FAM163B: variants seen among roughly 807,000 people sequenced by gnomAD.
FAM163B encodes protein FAM163B.
A neutral mutation model predicts 7.6 loss-of-function variants in FAM163B; 4 were observed. That is an observed-to-expected ratio of 0.52 (90% CI 0.26 to 1.20). FAM163B has a LOEUF of 1.20. Among genes scored for constraint, FAM163B ranks in the 50% most tolerant of loss-of-function variants. The pLI is 0.14. For missense variants in FAM163B, 250 were observed against 243.0 expected, an observed-to-expected ratio of 1.03 and a Z score of -0.19; for synonymous variants, 120 against 111.6, an observed-to-expected ratio of 1.07 and a Z score of -0.47.
chr9:133,581,601 C>T (rs1236184120), intron 1 of FAM163B, among the ~76,000 whole-genome samples: 1 of 152,160 alleles, frequency 6.6e-6, no homozygotes, highest in African/African-American at 2.4e-5. Context: ...GCTCCTTTTG[C>T]TCTAGAACAG....
chr9:133,588,819 A>T (rs571137446), intron 1 of FAM163B, among the ~76,000 whole-genome samples: 24 of 151,670 alleles, frequency 1.6e-4, no homozygotes, highest in African/African-American at 5.8e-4. Flanking sequence ...CAGGCCAGTC[A>T]CCCTGAATGG....
chr9:133,589,584 G>A (rs750257734), intron 1 of FAM163B, among the ~76,000 whole-genome samples: 7 of 151,770 alleles, frequency 4.6e-5, no homozygotes, highest in Non-Finnish European at 8.8e-5. Context: ...CAAGAACCTG[G>A]TTTCCCACTG....
At chr9:133,590,929 G>A (rs1254465738) in intron 1 of FAM163B, among the ~76,000 whole-genome samples, 2 of 152,252 alleles carry the variant, frequency 1.3e-5, no homozygotes, top group African/African-American at 4.8e-5. Context: ...TGTGAAGGAA[G>A]CTTCTGGGGA....
At chr9:133,603,791 C>A (rs1005131375) in intron 1 of FAM163B, among the ~76,000 whole-genome samples, 2 of 152,184 alleles carry the variant, frequency 1.3e-5, no homozygotes, top group Admixed American at 1.3e-4. Context: ...TACCTTGCAC[C>A]CATCTTCTAA....
intron 1 of FAM163B, among the ~76,000 whole-genome samples, chr9:133,598,039 T>C (rs750346034): frequency 1.3e-5 from 2 of 152,212 alleles, no homozygotes; most frequent in African/African-American, 2.4e-5. Flanking sequence ...ATTTTCTCAC[T>C]GGGTTTGGGT....
At chr9:133,583,841 C>T (rs1329389816) in intron 1 of FAM163B, among the ~76,000 whole-genome samples, 1 of 152,240 alleles carries the variant, frequency 6.6e-6, no homozygotes, top group East Asian at 1.9e-4. Flanking sequence ...TACACGCCTG[C>T]CGAGGAGCAG....
intron 1 of FAM163B, among the ~76,000 whole-genome samples, chr9:133,580,692 T>C (rs1831343477): frequency 6.6e-6 from 1 of 152,254 alleles, no homozygotes; most frequent in African/African-American, 2.4e-5. Context: ...TATTCTGCCA[T>C]ATCCTTAAAT....
Position 133,579,006 on chromosome 9 carries a change from C to CA in FAM163B, c.*15_*16insT, listed in dbSNP as rs1831299158. The CA allele has an allele frequency of 6.7e-7, 1 of 1,486,266 alleles. No individual in the cohort carries two copies. Among genetic ancestry groups the CA allele is most frequent in the African/African-American group, 1.4e-5 (1 of 71,024 alleles). 92.1% of individuals were successfully genotyped at this position (1,486,266 alleles called of 1,614,324 possible). A position where few individuals can be genotyped will look rare whatever the true frequency, so the allele number is the denominator to read the frequency against. Reference sequence around the variant, plus strand: ...CTCAGGACCTTCAAGGCCAGGATCCCGGGGGCGGGCCCAGGTCACACGTCG... The same window carrying CA: ...CTCAGGACCTTCAAGGCCAGGATCCCAGGGGGCGGGCCCAGGTCACACGTCG... On this transcript the variant is annotated 3_prime_UTR_variant, in exon 3 of 3. Coordinates refer to ENST00000673969, the MANE Select transcript of FAM163B (RefSeq NM_001080515.3).
chr9:133,594,079 G>A (rs1831595305), intron 1 of FAM163B, among the ~76,000 whole-genome samples: 3 of 152,202 alleles, frequency 2.0e-5, no homozygotes, highest in African/African-American at 7.2e-5. Flanking sequence ...ATGTTTTAAC[G>A]AGACAAGATC....
rs896559794 is a variant in FAM163B, at chr9:133,577,356, G to A, written c.*1666C>T. On this transcript the variant is annotated 3_prime_UTR_variant, in exon 3 of 3. Coordinates refer to ENST00000673969, the MANE Select transcript of FAM163B (RefSeq NM_001080515.3). The stretch of plus-strand genomic sequence containing the variant: ...CACAGAGGAAGCCAGAGGTGTGGGC[G>A]GGCCCGGGGGGCCGGGGCTGCGAGG... Among the ~76,000 whole-genome samples the A allele has an allele frequency of 1.3e-5, 2 of 151,870 alleles. No individual in the cohort carries two copies. Among genetic ancestry groups the A allele is most frequent in the Non-Finnish European group, 2.9e-5 (2 of 67,948 alleles).
At chr9:133,599,420 G>A (rs1588332790) in intron 1 of FAM163B, among the ~76,000 whole-genome samples, 1 of 152,306 alleles carries the variant, frequency 6.6e-6, no homozygotes, top group Non-Finnish European at 1.5e-5. Context: ...TGAAGCCTGT[G>A]TCTGTGTGTT....
At chr9:133,593,727 G>A (rs889187485) in intron 1 of FAM163B, among the ~76,000 whole-genome samples, 2 of 152,236 alleles carry the variant, frequency 1.3e-5, no homozygotes, top group Non-Finnish European at 2.9e-5. Context: ...AGCACAGCCC[G>A]GTGCTGGGGC....
In FAM163B at chr9:133,584,050, C is replaced by T. The variant is rs1162052784; in HGVS notation, c.-23-3804G>A. On this transcript the variant is annotated intron_variant, in intron 1 of 2. Coordinates refer to ENST00000673969, the MANE Select transcript of FAM163B (RefSeq NM_001080515.3). Reference sequence around the variant, plus strand: ...TGCCCCACCCTCTGGGATGCCCATCCCCCCCCCGGACCTACCACGCCATCA... The same window carrying T: ...TGCCCCACCCTCTGGGATGCCCATCTCCCCCCCGGACCTACCACGCCATCA... Among the ~76,000 whole-genome samples the T allele has an allele frequency of 6.6e-4, 7 of 10,652 alleles. No homozygotes were observed. In the African/African-American group the frequency reaches 0.021, roughly 32 times the overall value. The allele number at this position is 10,652 out of a possible 152,430, so 7.0% of individuals were successfully genotyped here. A position where few individuals can be genotyped will look rare whatever the true frequency, so the allele number is the denominator to read the frequency against.
At chr9:133,592,962 C>T (rs1393137922) in intron 1 of FAM163B, among the ~76,000 whole-genome samples, 3 of 152,204 alleles carry the variant, frequency 2.0e-5, no homozygotes, top group South Asian at 2.1e-4. Flanking sequence ...GGCTCACGAA[C>T]CAATACTTGC....
At chr9:133,605,676 AGTCCTCCCCC>A in intron 1 of FAM163B, among the ~76,000 whole-genome samples, 1 of 152,240 alleles carries the variant, frequency 6.6e-6, no homozygotes, top group Admixed American at 6.5e-5. Flanking sequence ...CTGAAACAAC[AGTCCTCCCCC>A]AGGGCCCCGG....
At position 133,577,304 on chromosome 9, in the gene FAM163B, C is replaced by G. The variant is rs1189109743; in HGVS notation, c.*1718G>C. 7.6e-6 allele frequency among the ~76,000 whole-genome samples: 1 copy of G among 131,552 alleles called. No homozygotes were observed. The highest frequency in any genetic ancestry group is 2.9e-5 in the African/African-American group (1 of 34,068). 86.3% of individuals were successfully genotyped at this position (131,552 alleles called of 152,430 possible). ...CCACCCAGCCCACCCCCCACGCCAACGCATCAGAAACAGACTTCACAGGAT... is the reference window on the plus strand; with the variant it reads ...CCACCCAGCCCACCCCCCACGCCAAGGCATCAGAAACAGACTTCACAGGAT... On this transcript the variant is annotated 3_prime_UTR_variant, in exon 3 of 3. Coordinates refer to ENST00000673969, the MANE Select transcript of FAM163B (RefSeq NM_001080515.3).
intron 1 of FAM163B, among the ~76,000 whole-genome samples, chr9:133,596,412 C>T (rs1343206076): frequency 5.1e-5 from 5 of 97,830 alleles, no homozygotes; most frequent in African/African-American, 1.2e-4. Context: ...TGGGCGGGGG[C>T]GGGGGTGGCT....
intron 1 of FAM163B, among the ~76,000 whole-genome samples, chr9:133,585,769 C>A (rs1334789391): frequency 2.0e-5 from 3 of 152,162 alleles, no homozygotes; most frequent in African/African-American, 7.2e-5. Flanking sequence ...GTGAGGCGGG[C>A]GCCCTCCACT....
chr9:133,594,715 G>A (rs1289758796), intron 1 of FAM163B, among the ~76,000 whole-genome samples: 1 of 152,114 alleles, frequency 6.6e-6, no homozygotes, highest in Admixed American at 6.5e-5. Flanking sequence ...TGGTGATTTC[G>A]GGAGTGCAGA....
Sources: gnomAD v4.1 joint callset for allele counts (sites outside exome capture counted in the v4.1 genomes callset) on GRCh38, gnomAD v4.1.1 for gene constraint, MANE v1.5 for transcripts, NCBI Gene and HGNC (gene_info 2026-07-23, HGNC 2026-07-21) for gene names.